Variants in ZNF714 observed in about 807,000 individuals in gnomAD.
ZNF714 encodes zinc finger protein 714.
ZNF714 carries 32 observed loss-of-function variants against 46.2 expected under a neutral mutation model. The ratio of observed to expected loss-of-function variants is 0.69; its 90% CI spans 0.52 to 0.93. ZNF714 has a LOEUF of 0.93. ZNF714 is among the 40% of genes least tolerant of loss of function. The probability of loss-of-function intolerance (pLI) is 0.00; values close to 1 mark genes in which losing one functional copy is unlikely to be tolerated. For synonymous variants in ZNF714, 199 were observed against 213.1 expected, an observed-to-expected ratio of 0.93 and a Z score of 0.58; for missense variants, 635 against 646.3, an observed-to-expected ratio of 0.98 and a Z score of 0.19.
At position 21,123,450 on chromosome 19, in the gene ZNF714, G is replaced by A. The variant is rs1415185707; in HGVS notation, c.*5118G>A. Reference sequence around the variant, plus strand: ...GCTCACTGCAAGCTCCGCCTTCCGGGTTCACGCCATTCTCCCGCCTCAGCC... The same window carrying A: ...GCTCACTGCAAGCTCCGCCTTCCGGATTCACGCCATTCTCCCGCCTCAGCC... On this transcript the variant is annotated 3_prime_UTR_variant, in exon 5 of 5. Coordinates refer to ENST00000456283, the MANE Select transcript of ZNF714 (RefSeq NM_182515.4). Among the ~76,000 whole-genome samples, 2 of 151,926 alleles carry A rather than the reference G, an allele frequency of 1.3e-5. No individual in the cohort carries two copies. The highest frequency in any genetic ancestry group is 2.9e-5 in the Non-Finnish European group (2 of 67,992).
At chr19:21,102,686 CA>C (rs1969210055) in intron 4 of ZNF714, among the ~76,000 whole-genome samples, 1 of 151,904 alleles carries the variant, frequency 6.6e-6, no homozygotes, top group South Asian at 2.1e-4. Flanking sequence ...TAGTGCATGC[CA>C]ATTATTCGAA....
At chr19:21,090,196 A>G (rs1469272539) in intron 2 of ZNF714, among the ~76,000 whole-genome samples, 3 of 152,216 alleles carry the variant, frequency 2.0e-5, no homozygotes, top group Non-Finnish European at 4.4e-5. Context: ...CTGGGAATAG[A>G]AAAGATAAGA....
At chr19:21,082,477 T>G in intron 1 of ZNF714, 129 bp downstream of exon 1, 1 of 951,692 alleles carries the variant, frequency 1.1e-6, no homozygotes, top group Non-Finnish European at 1.5e-6. Flanking sequence ...TTCTCCTTGC[T>G]CAGCTCGGCC....
intron 2 of ZNF714, among the ~76,000 whole-genome samples, chr19:21,095,465 C>CT (rs1462274788): frequency 1.7e-4 from 13 of 75,814 alleles, no homozygotes; most frequent in Non-Finnish European, 3.5e-4. Flanking sequence ...GGTGTTCCAT[C>CT]TTTTATTTTT....
In ZNF714 at chr19:21,117,596, A is replaced by G; in HGVS notation, c.932A>G (p.Lys311Arg). Residue 311 changes from lysine (K) to arginine (R), a missense_variant, in exon 5 of 5, where the codon AAA becomes AGA. Coordinates refer to ENST00000456283, the MANE Select transcript of ZNF714 (RefSeq NM_182515.4). ...CATAAGATAATTCATTCTGGAGAGA[A>G]ATCTTACAAATGTGAACAATGTGGC... is the stretch of plus-strand genomic sequence containing the variant. ...TKHKIIHSGE[K>R]SYKCEQCGKG... is the part of the protein sequence containing the mutation. 1 of 1,609,856 alleles carries G rather than the reference A, an allele frequency of 6.2e-7. No homozygotes were observed. The highest frequency in any genetic ancestry group is 8.5e-7 in the Non-Finnish European group (1 of 1,177,612).
At chr19:21,102,485 T>C (rs574536222) in intron 4 of ZNF714, among the ~76,000 whole-genome samples, 1 of 152,310 alleles carries the variant, frequency 6.6e-6, no homozygotes, top group African/African-American at 2.4e-5. Flanking sequence ...TTGAAAAATA[T>C]AAGTTTTAAT....
At chr19:21,086,139 A>G (rs1968773008) in intron 2 of ZNF714, among the ~76,000 whole-genome samples, 1 of 152,166 alleles carries the variant, frequency 6.6e-6, no homozygotes, top group Non-Finnish European at 1.5e-5. Context: ...TCAGACTGAG[A>G]ATAGTTTAAA....
intron 2 of ZNF714, among the ~76,000 whole-genome samples, chr19:21,093,164 A>G (rs1299428173): frequency 1.3e-5 from 2 of 152,168 alleles, no homozygotes; most frequent in African/African-American, 4.8e-5. Flanking sequence ...TCGGCCTCCC[A>G]AAGTGCTGGG....
At chr19:21,114,687 G>T (rs1969549404) in intron 4 of ZNF714, among the ~76,000 whole-genome samples, 1 of 152,124 alleles carries the variant, frequency 6.6e-6, no homozygotes, top group Admixed American at 6.6e-5. Context: ...TTCTATCCAA[G>T]TGGTGCTAGC....
chr19:21,105,683 A>G (rs1003898513), intron 4 of ZNF714, among the ~76,000 whole-genome samples: 4 of 151,684 alleles, frequency 2.6e-5, no homozygotes, highest in African/African-American at 7.3e-5. Flanking sequence ...GGCCAGGCGC[A>G]GTGGCTCATG....
At position 21,123,377 on chromosome 19, in the gene ZNF714, C is replaced by CA. The variant is rs1486556931; in HGVS notation, c.*5046dup. Among the ~76,000 whole-genome samples the CA allele has an allele frequency of 1.3e-5, 2 of 151,718 alleles. No homozygotes were observed. The highest frequency in any genetic ancestry group is 2.4e-5 in the African/African-American group (1 of 41,284). Reference sequence around the variant, plus strand: ...ATTTTTACTTTTTATTTTTTAGAGACAGAGTCTTGCTCTGTCTCCCAGGCT... The same window carrying CA: ...ATTTTTACTTTTTATTTTTTAGAGACAAGAGTCTTGCTCTGTCTCCCAGGCT... On this transcript the variant is annotated 3_prime_UTR_variant, in exon 5 of 5. Transcript: ENST00000456283.
At chr19:21,086,684 T>A (rs557329601) in intron 2 of ZNF714, among the ~76,000 whole-genome samples, 2 of 152,314 alleles carry the variant, frequency 1.3e-5, no homozygotes, top group East Asian at 3.9e-4. Context: ...TCCTGTCCTG[T>A]TACTTAGAAT....
At chr19:21,099,205 T>A (rs1208400422) in intron 4 of ZNF714, among the ~76,000 whole-genome samples, 1 of 152,016 alleles carries the variant, frequency 6.6e-6, no homozygotes, top group Non-Finnish European at 1.5e-5. Context: ...TGAGACAGAG[T>A]TTCGCTTTGG....
rs186967589 is a variant in ZNF714, at chr19:21,121,075, T to C, written c.*2743T>C. 1 of 152,346 alleles carries C rather than the reference T, an allele frequency of 6.6e-6. No homozygotes were observed. Among genetic ancestry groups the C allele is most frequent in the African/African-American group, 2.4e-5 (1 of 41,576 alleles). 9.4% of individuals were successfully genotyped at this position (152,346 alleles called of 1,614,324 possible). A position where few individuals can be genotyped will look rare whatever the true frequency, so the allele number is the denominator to read the frequency against. On this transcript the variant is annotated 3_prime_UTR_variant, in exon 5 of 5. Transcript: ENST00000456283. ...GTTGTTGAGACGGAGTCTCGCTCTGTCGCCCAGGCTGGAGTGTGCAATCTC... is the reference window on the plus strand; with the variant it reads ...GTTGTTGAGACGGAGTCTCGCTCTGCCGCCCAGGCTGGAGTGTGCAATCTC...
Position 21,117,432 on chromosome 19 carries a change from C to G in ZNF714, c.768C>G (p.Pro256=). The part of the protein sequence containing the change: ...THKVIHTGEK[P]FKCEECGKAF... ...AGGTAATTCATACTGGAGAGAAGCC[C>G]TTCAAATGTGAAGAATGTGGTAAAG... Residue 256 remains proline (P), a synonymous_variant, in exon 5 of 5, where the codon CCC becomes CCG. Coordinates refer to ENST00000456283, the MANE Select transcript of ZNF714 (RefSeq NM_182515.4). 2 of 1,612,362 alleles carry G rather than the reference C, an allele frequency of 1.2e-6. No homozygotes were observed. The highest frequency in any genetic ancestry group is 1.7e-6 in the Non-Finnish European group (2 of 1,179,324).
intron 4 of ZNF714, among the ~76,000 whole-genome samples, chr19:21,116,512 G>A (rs1969598921): frequency 6.6e-6 from 1 of 152,134 alleles, no homozygotes; most frequent in African/African-American, 2.4e-5. Context: ...TGTTGAGTAG[G>A]AAGAACTGTG....
chr19:21,082,437 C>G (rs1968674523), intron 1 of ZNF714, 89 bp downstream of exon 1: 2 of 1,287,384 alleles, frequency 1.6e-6, no homozygotes, highest in African/African-American at 1.4e-5. Context: ...TAGGCCTCCC[C>G]GCAGTCAACT....
At chr19:21,087,029 G>T (rs1477197882) in intron 2 of ZNF714, among the ~76,000 whole-genome samples, 1 of 152,066 alleles carries the variant, frequency 6.6e-6, no homozygotes, top group Admixed American at 6.6e-5. Flanking sequence ...TATTCTGTTT[G>T]ATAGTCATGA....
chr19:21,105,993 G>T (rs1057094334), intron 4 of ZNF714, among the ~76,000 whole-genome samples: 2 of 151,948 alleles, frequency 1.3e-5, no homozygotes, highest in African/African-American at 4.8e-5. Flanking sequence ...GCATATGCCT[G>T]TAATTCCAGC....
Sources: allele counts gnomAD v4.1 joint callset (sites outside exome capture counted in the v4.1 genomes callset), GRCh38; gene constraint gnomAD v4.1.1; transcripts MANE v1.5; gene names NCBI Gene and HGNC (gene_info 2026-07-23, HGNC 2026-07-21).